Variants in DOCK4 observed in about 807,000 individuals in gnomAD.
DOCK4 encodes the protein dedicator of cytokinesis protein 4.
DOCK4 carries 97 observed loss-of-function variants against 268.1 expected under a neutral mutation model. The observed-to-expected ratio is 0.36, with a 90% CI of 0.31 to 0.43. DOCK4 has a LOEUF of 0.43. Among genes scored for constraint, DOCK4 ranks in the 20% least tolerant of loss-of-function variants. The probability of loss-of-function intolerance (pLI) is 1.00; values close to 1 mark genes in which losing one functional copy is unlikely to be tolerated. For synonymous variants in DOCK4, 954 were observed against 887.2 expected, an observed-to-expected ratio of 1.08 and a Z score of -1.34; for missense variants, 2,145 against 2,455.7, an observed-to-expected ratio of 0.87 and a Z score of 2.67.
rs1259694037 is a variant in DOCK4 at position 111,726,322 on chromosome 7, C to T, written c.*1952G>A. On this transcript the variant is annotated 3_prime_UTR_variant, in exon 53 of 53. Transcript: ENST00000428084. ...CAAATAACACTGATTTATAATGTGC[C>T]CAAGCACTAGTCAACAAATCTATTA... is the stretch of plus-strand genomic sequence containing the variant. The T allele has an allele frequency of 1.3e-5, 2 of 152,468 alleles. No individual in the cohort carries two copies. The highest frequency in any genetic ancestry group is 6.6e-5 in the Admixed American group (1 of 15,264). The allele number at this position is 152,468 out of a possible 1,614,324, so 9.4% of individuals were successfully genotyped here.
intron 16 of DOCK4, among the ~76,000 whole-genome samples, chr7:111,886,003 A>T (rs1807810873): frequency 6.6e-6 from 1 of 152,204 alleles, no homozygotes; most frequent in Non-Finnish European, 1.5e-5. Context: ...TGTCTTAGAT[A>T]TGTGAAAGAG....
intron 1 of DOCK4, among the ~76,000 whole-genome samples, chr7:112,148,611 C>CTA (rs1263163884): frequency 2.0e-5 from 3 of 151,992 alleles, no homozygotes; most frequent in Admixed American, 2.0e-4. Flanking sequence ...TATTTGCTGT[C>CTA]TATATTCATA....
chr7:111,860,651 C>A (rs1457315035), intron 23 of DOCK4, among the ~76,000 whole-genome samples: 1 of 152,184 alleles, frequency 6.6e-6, no homozygotes, highest in Non-Finnish European at 1.5e-5. Flanking sequence ...CTTCCCTACG[C>A]TGGCCCTGAG....
intron 7 of DOCK4, among the ~76,000 whole-genome samples, chr7:111,981,168 C>T (rs1045077412): frequency 2.0e-5 from 3 of 152,180 alleles, no homozygotes; most frequent in African/African-American, 4.8e-5. Context: ...AAAGCAGCAA[C>T]AATTAATCAA....
intron 20 of DOCK4, among the ~76,000 whole-genome samples, chr7:111,870,774 C>T (rs60873296): frequency 0.17 from 26,108 of 152,076 alleles, 2,652 homozygotes; most frequent in African/African-American, 0.28. Context: ...TAAGAGGATT[C>T]CACAAGCCTT....
intron 26 of DOCK4, among the ~76,000 whole-genome samples, chr7:111,823,981 A>C (rs939774196): frequency 1.3e-5 from 2 of 152,212 alleles, no homozygotes; most frequent in Admixed American, 6.5e-5. Context: ...TATTTTGACA[A>C]GAACTTATTT....
At chr7:112,041,232 C>A (rs1804328506) in intron 1 of DOCK4, among the ~76,000 whole-genome samples, 1 of 152,068 alleles carries the variant, frequency 6.6e-6, no homozygotes, top group Admixed American at 6.6e-5. Context: ...AGAGGTGAGA[C>A]CCTGAGGTGT....
At chr7:111,961,084 C>T (rs1344382440) in intron 8 of DOCK4, among the ~76,000 whole-genome samples, 5 of 152,090 alleles carry the variant, frequency 3.3e-5, no homozygotes, top group African/African-American at 7.2e-5. Context: ...GTTTGCTCCA[C>T]GTCTGCTTGC....
At position 111,760,214 on chromosome 7, in the gene DOCK4, G is replaced by C; in HGVS notation, c.4129C>G (p.Pro1377Ala). Reference protein sequence around the residue: ...HAIAMQHANQPDETIFQAEAQ... With the variant: ...HAIAMQHANQADETIFQAEAQ... ...TCTGCCTGGAAGATGGTCTCATCGGGCTGGTTGGCGTGCTGCATGGCGATG... is the reference window on the plus strand; with the variant it reads ...TCTGCCTGGAAGATGGTCTCATCGGCCTGGTTGGCGTGCTGCATGGCGATG... The change falls in exon 40 of 53, where the codon CCC becomes GCC. Residue 1377 changes from proline to alanine, a missense_variant. Physicochemically the swap from Pro to Ala is conservative, Grantham distance 27 (BLOSUM62 -1). This residue lies in a region of DOCK4 where 1,598 missense variants were observed against 1,986.7 expected (regional missense o/e 0.80). Coordinates refer to ENST00000428084, the MANE Select transcript of DOCK4 (RefSeq NM_001363540.2). 1 of 1,613,978 alleles carries C rather than the reference G, an allele frequency of 6.2e-7. No individual in the cohort carries two copies. Among genetic ancestry groups the C allele is most frequent in the Non-Finnish European group, 8.5e-7 (1 of 1,179,888 alleles).
chr7:111,928,489 T>C (rs757500146), intron 12 of DOCK4, among the ~76,000 whole-genome samples: 4 of 152,194 alleles, frequency 2.6e-5, no homozygotes, highest in Admixed American at 6.5e-5. Flanking sequence ...TAACATATTT[T>C]GAACTATATT....
intron 37 of DOCK4, among the ~76,000 whole-genome samples, chr7:111,768,008 T>C (rs999358060): frequency 6.6e-6 from 1 of 152,186 alleles, no homozygotes; most frequent in Admixed American, 6.5e-5. Flanking sequence ...TCTGCTGTTA[T>C]AGCACCAAAG....
intron 23 of DOCK4, among the ~76,000 whole-genome samples, chr7:111,856,547 C>A (rs1489507778): frequency 6.6e-6 from 1 of 152,104 alleles, no homozygotes; most frequent in Non-Finnish European, 1.5e-5. Context: ...ACAACAAAAA[C>A]AGAAAACCCA....
chr7:111,995,664 CTG>C (rs1169216473), intron 4 of DOCK4, among the ~76,000 whole-genome samples: 1 of 152,144 alleles, frequency 6.6e-6, no homozygotes, highest in African/African-American at 2.4e-5. Context: ...AGACTAATAA[CTG>C]TTCTGTGATT....
At chr7:111,841,188 AG>A (rs1451318739) in intron 25 of DOCK4, among the ~76,000 whole-genome samples, 1 of 151,888 alleles carries the variant, frequency 6.6e-6, no homozygotes. Context: ...TTTATGAGAC[AG>A]GGTCTCACTC....
intron 1 of DOCK4, among the ~76,000 whole-genome samples, chr7:112,093,085 A>C (rs184576433): frequency 6.6e-6 from 1 of 152,198 alleles, no homozygotes; most frequent in African/African-American, 2.4e-5. Context: ...AATGCAGAAA[A>C]GAAAGGACTC....
intron 1 of DOCK4, among the ~76,000 whole-genome samples, chr7:112,133,245 G>A (rs1350336861): frequency 6.6e-6 from 1 of 151,902 alleles, no homozygotes; most frequent in Non-Finnish European, 1.5e-5. Context: ...CATTTTGCAG[G>A]GATAGTTCTT....
Position 111,901,663 on chromosome 7 carries a change from A to T in DOCK4, c.1317+14T>A. The stretch of plus-strand genomic sequence containing the variant: ...CAGACTTGTTTGACCTGGAAATATC[A>T]AGTATTAACATACCTTCAGGGTTTG... On this transcript the variant is annotated intron_variant, in intron 14 of 52. Coordinates refer to ENST00000428084, the MANE Select transcript of DOCK4 (RefSeq NM_001363540.2). 2.5e-6 allele frequency: 4 copies of T among 1,611,864 alleles called. No individual in the cohort carries two copies. Among genetic ancestry groups the T allele is most frequent in the Non-Finnish European group, 3.4e-6 (4 of 1,179,106 alleles).
At chr7:111,877,930 T>C (rs185470583) in intron 16 of DOCK4, among the ~76,000 whole-genome samples, 20 of 152,302 alleles carry the variant, frequency 1.3e-4, no homozygotes, top group African/African-American at 4.8e-4. Context: ...TATAACTGCA[T>C]GTGGGGGAAT....
chr7:111,998,609 T>G, intron 3 of DOCK4, 106 bp from the exon 4 acceptor site: 1 of 703,164 alleles, frequency 1.4e-6, no homozygotes, highest in Non-Finnish European at 2.2e-6. Flanking sequence ...ACATCAGGAA[T>G]AGGGAAAAGC....
Sources: allele counts gnomAD v4.1 joint callset (sites outside exome capture counted in the v4.1 genomes callset), GRCh38; gene constraint gnomAD v4.1.1; regional missense constraint gnomAD v4.1.1; transcripts MANE v1.5; gene names NCBI Gene and HGNC (gene_info 2026-07-23, HGNC 2026-07-21).